ADCY9: variants seen among roughly 807,000 people sequenced by gnomAD.
ADCY9 encodes adenylate cyclase type 9.
Under a neutral mutation model 101.5 loss-of-function variants are expected in ADCY9, and 50 were observed. The ratio of observed to expected loss-of-function variants is 0.49; its 90% CI spans 0.39 to 0.62. The LOEUF is 0.62. Among genes scored for constraint, ADCY9 ranks in the 20% least tolerant of loss-of-function variants. The pLI, the probability that ADCY9 is intolerant of heterozygous loss-of-function variation, is 0.00. For missense variants in ADCY9, 1,662 were observed against 1,800.4 expected, an observed-to-expected ratio of 0.92 and a Z score of 1.39; for synonymous variants, 905 against 769.3, an observed-to-expected ratio of 1.18 and a Z score of -2.92.
At chr16:3,969,889 A>AT (rs1392330276) in intron 10 of ADCY9, among the ~76,000 whole-genome samples, 2 of 150,982 alleles carry the variant, frequency 1.3e-5, no homozygotes, top group Non-Finnish European at 3.0e-5. Flanking sequence ...GCTGGAATAC[A>AT]TTTTTTCCCA....
intron 2 of ADCY9, among the ~76,000 whole-genome samples, chr16:4,009,326 C>T (rs2056388088): frequency 6.6e-6 from 1 of 152,188 alleles, no homozygotes; most frequent in African/African-American, 2.4e-5. Context: ...GGCTGGAGCG[C>T]AGTGGTGCAA....
At chr16:4,006,352 C>G (rs2056367361) in intron 3 of ADCY9, among the ~76,000 whole-genome samples, 1 of 152,196 alleles carries the variant, frequency 6.6e-6, no homozygotes, top group Admixed American at 6.5e-5. Flanking sequence ...CGACCGCGAT[C>G]CACGAGCGGA....
chr16:4,051,346 A>G (rs903135074), intron 2 of ADCY9, among the ~76,000 whole-genome samples: 1 of 151,918 alleles, frequency 6.6e-6, no homozygotes, highest in Non-Finnish European at 1.5e-5. Context: ...TAACACAGTG[A>G]AACCCCGTCT....
At chr16:4,073,605 A>G (rs1332494861) in intron 2 of ADCY9, among the ~76,000 whole-genome samples, 1 of 152,192 alleles carries the variant, frequency 6.6e-6, no homozygotes, top group Non-Finnish European at 1.5e-5. Flanking sequence ...CATGTTGGCC[A>G]GGCTGGTCTT....
chr16:4,115,675 C>A lies in ADCY9; in HGVS notation c.-44+15G>T. On this transcript the variant is annotated intron_variant, in intron 1 of 10. Coordinates refer to ENST00000294016, the MANE Select transcript of ADCY9 (RefSeq NM_001116.4). The surrounding 1 kb of genome is among the most constrained non-coding windows in gnomAD (Gnocchi z 6.2). ...CCCCCACCTTCGAGGCGCACGAGAACCGCTCGGGACGGACCTAGAACGCCC... is the reference window on the plus strand; with the variant it reads ...CCCCCACCTTCGAGGCGCACGAGAAACGCTCGGGACGGACCTAGAACGCCC... The A allele has an allele frequency of 5.5e-6, 3 of 549,046 alleles. No homozygotes were observed. Among genetic ancestry groups the A allele is most frequent in the Non-Finnish European group, 9.4e-6 (3 of 319,186 alleles). The allele number at this position is 549,046 out of a possible 1,614,324, so 34.0% of individuals were successfully genotyped here.
At chr16:4,077,286 T>G (rs1282940919) in intron 2 of ADCY9, among the ~76,000 whole-genome samples, 1 of 152,072 alleles carries the variant, frequency 6.6e-6, no homozygotes, top group Admixed American at 6.6e-5. Flanking sequence ...CCGAGGACAC[T>G]TCCTGTGACA....
chr16:4,055,565 G>A (rs2141154536), intron 2 of ADCY9, among the ~76,000 whole-genome samples: 1 of 151,938 alleles, frequency 6.6e-6, no homozygotes, highest in South Asian at 2.1e-4. Flanking sequence ...CAGACGCGGT[G>A]GCTCACACCT....
At chr16:4,083,131 G>C (rs1244106405) in intron 2 of ADCY9, among the ~76,000 whole-genome samples, 1 of 152,196 alleles carries the variant, frequency 6.6e-6, no homozygotes, top group East Asian at 1.9e-4. Flanking sequence ...CATACTTCTT[G>C]TTACATGAGA....
intron 2 of ADCY9, among the ~76,000 whole-genome samples, chr16:4,086,793 G>A (rs549835000): frequency 4.3e-4 from 66 of 152,152 alleles, no homozygotes; most frequent in African/African-American, 1.4e-3. Context: ...TCTAGTAGCT[G>A]GAATTACAGG....
At chr16:4,110,376 C>CTTTTTTTTT (rs1170090126) in intron 2 of ADCY9, among the ~76,000 whole-genome samples, 3 of 110,742 alleles carry the variant, frequency 2.7e-5, no homozygotes, top group Non-Finnish European at 5.5e-5. Context: ...CTTATACCTA[C>CTTTTTTTTT]TTTTTTTTTT....
At chr16:4,024,257 A>G (rs4786453) in intron 2 of ADCY9, among the ~76,000 whole-genome samples, 144,441 of 152,094 alleles carry the variant, frequency 0.95, 68,998 homozygotes, top group East Asian at 1. Context: ...TCCTGACCTC[A>G]TGATCCGGCC....
chr16:4,113,982 T>G lies in ADCY9; in HGVS notation c.1461A>C (p.Arg487Ser), dbSNP rs1220075332. The G allele has an allele frequency of 6.2e-7, 1 of 1,613,932 alleles. No individual in the cohort carries two copies. Residue 487 changes from arginine (R) to serine (S), a missense_variant, in exon 2 of 11, where the codon AGA becomes AGC. By Grantham distance (110) the Arg-to-Ser change is moderately radical. Transcript: ENST00000294016. The stretch of plus-strand genomic sequence containing the variant: ...GGACGGTGCCCGTGTGCACCCCGAC[T>G]CTCATGTTCACCATCTCCTTCTTCT... ...CQEKKEMVNM[R>S]VGVHTGTVLC...
intron 2 of ADCY9, among the ~76,000 whole-genome samples, chr16:4,060,511 G>A (rs1212690159): frequency 6.6e-6 from 1 of 152,174 alleles, no homozygotes; most frequent in African/African-American, 2.4e-5. Context: ...CGCAAACTGT[G>A]AAAAGCATTA....
Position 4,010,839 on chromosome 16 carries a change from G to C in ADCY9, c.1694-3281C>G, listed in dbSNP as rs573714585. On this transcript the variant is annotated intron_variant, in intron 2 of 10. Coordinates refer to ENST00000294016, the MANE Select transcript of ADCY9 (RefSeq NM_001116.4). ...TTTAAGAGGTGACGAGGCCAGGAGG[G>C]CTCCTCCCCTGCGATGGGATCAGGC... is the stretch of plus-strand genomic sequence containing the variant. Among the ~76,000 whole-genome samples the C allele has an allele frequency of 4.6e-5, 7 of 152,280 alleles. No homozygotes were observed. In the East Asian group the frequency reaches 1.2e-3, roughly 25 times the overall value.
chr16:4,044,873 T>A (rs1403344122), intron 2 of ADCY9, among the ~76,000 whole-genome samples: 6 of 152,060 alleles, frequency 3.9e-5, no homozygotes, highest in Non-Finnish European at 7.4e-5. Flanking sequence ...AGAAAATAAA[T>A]CTTTCCCCAG....
At chr16:4,073,659 G>T (rs2056848903) in intron 2 of ADCY9, among the ~76,000 whole-genome samples, 1 of 152,224 alleles carries the variant, frequency 6.6e-6, no homozygotes, top group Non-Finnish European at 1.5e-5. Flanking sequence ...GCTTCCCAAA[G>T]TGCTGGGAAT....
In ADCY9 at chr16:3,966,125, T is replaced by C; in HGVS notation, c.3712A>G (p.Lys1238Glu). 1 of 1,614,224 alleles carries C rather than the reference T, an allele frequency of 6.2e-7. No individual in the cohort carries two copies. The highest frequency in any genetic ancestry group is 8.5e-7 in the Non-Finnish European group (1 of 1,180,050). Residue 1238 changes from lysine to glutamate, a missense_variant, in exon 11 of 11, where the codon AAG becomes GAG. Transcript: ENST00000294016. Reference sequence around the variant, plus strand: ...GTGCACTTTGGGTACAGGTAGGTCTTCATCTGGCCTTTCCCCTTGACATTC... The same window carrying C: ...GTGCACTTTGGGTACAGGTAGGTCTCCATCTGGCCTTTCCCCTTGACATTC... ...TVNVKGKGQM[K>E]TYLYPKCTDH...
At chr16:3,990,136 T>C (rs1391861406) in intron 5 of ADCY9, among the ~76,000 whole-genome samples, 1 of 152,210 alleles carries the variant, frequency 6.6e-6, no homozygotes, top group Non-Finnish European at 1.5e-5. Context: ...TATAGCTGTG[T>C]TAGCCTCTCT....
chr16:4,077,736 A>C (rs1329165659), intron 2 of ADCY9, among the ~76,000 whole-genome samples: 1 of 152,200 alleles, frequency 6.6e-6, no homozygotes, highest in Non-Finnish European at 1.5e-5. Context: ...GCGGTGACTC[A>C]CACCTGTAAT....
Sources: gnomAD v4.1 joint callset for allele counts (sites outside exome capture counted in the v4.1 genomes callset) on GRCh38, gnomAD v4.1.1 for gene constraint, Gnocchi (gnomAD v3.1) non-coding constraint, MANE v1.5 for transcripts, NCBI Gene and HGNC (gene_info 2026-07-23, HGNC 2026-07-21) for gene names.